The following FAAH2 variants were observed in gnomAD, a reference collection of about 807,000 sequenced individuals.
FAAH2 encodes the protein fatty acid amide hydrolase 2, also known as fatty-acid amide hydrolase 2.
Under a neutral mutation model 36.9 loss-of-function variants are expected in FAAH2, and 60 were observed. The ratio of observed to expected loss-of-function variants is 1.63; its 90% CI spans 1.32 to 2.02. The LOEUF (loss-of-function observed/expected upper bound fraction) is 2.02, where lower values mean the gene tolerates loss of function less well. Ranked by LOEUF, FAAH2 falls within the 30% of genes most tolerant of loss-of-function variation. FAAH2 has a pLI of 0.00. For synonymous variants in FAAH2, 214 were observed against 143.8 expected (o/e 1.49, Z -3.49); for missense variants, 689 against 397.5 (o/e 1.73, Z -6.23).
chrX:57,333,159 G>A (rs369769280), intron 4 of FAAH2, among the ~76,000 whole-genome samples: 9 of 111,579 alleles, frequency 8.1e-5, no homozygotes, highest in African/African-American at 2.3e-4. Context: ...TACATCATAG[G>A]TGTTATTTAA....
intron 3 of FAAH2, among the ~76,000 whole-genome samples, chrX:57,317,578 C>A (rs1479758534): frequency 9.0e-6 from 1 of 111,424 alleles, no homozygotes; most frequent in Admixed American, 9.6e-5. Flanking sequence ...GAGACTTTAA[C>A]ACCCCACTGT....
intron 10 of FAAH2, among the ~76,000 whole-genome samples, chrX:57,465,751 A>C (rs1190075885): frequency 1.8e-5 from 2 of 111,148 alleles, no homozygotes; most frequent in African/African-American, 3.3e-5. Flanking sequence ...AAAATCAAGG[A>C]GCTCTGGTGA....
chrX:57,389,374 A>G (rs1461754547), intron 7 of FAAH2, among the ~76,000 whole-genome samples: 1 of 106,045 alleles, frequency 9.4e-6, no homozygotes, highest in East Asian at 2.9e-4. Flanking sequence ...GCTTTATTTC[A>G]TCCCCTTACC....
intron 5 of FAAH2, among the ~76,000 whole-genome samples, chrX:57,355,718 G>A (rs2054142399): frequency 9.1e-6 from 1 of 110,358 alleles, no homozygotes; most frequent in Middle Eastern, 4.7e-3. Context: ...CTACATACAC[G>A]ATCATGCAAT....
At chrX:57,247,876 GA>G in the FAAH2 span, among the ~76,000 whole-genome samples, 1 of 112,366 alleles carries the variant, frequency 8.9e-6, no homozygotes, top group South Asian at 3.7e-4. Context: ...GAGTGTTGTA[GA>G]TGAGAGACCG....
intron 3 of FAAH2, among the ~76,000 whole-genome samples, chrX:57,324,353 G>A (rs1375649766): frequency 2.7e-5 from 3 of 112,094 alleles, no homozygotes; most frequent in Non-Finnish European, 3.8e-5. Context: ...GAACTTTAAA[G>A]TAGTTTTTTC....
At chrX:57,366,729 G>A (rs1421034928) in intron 5 of FAAH2, among the ~76,000 whole-genome samples, 1 of 112,559 alleles carries the variant, frequency 8.9e-6, no homozygotes, top group Non-Finnish European at 1.9e-5. Flanking sequence ...GGGATCGATG[G>A]CAGTGGATGC....
At chrX:57,221,669 C>A in the FAAH2 span, among the ~76,000 whole-genome samples, 28 of 111,551 alleles carry the variant, frequency 2.5e-4, no homozygotes, top group Admixed American at 2.4e-3. Context: ...TACCCATATA[C>A]TTTACTTTCC....
the FAAH2 span, among the ~76,000 whole-genome samples, chrX:57,266,635 C>T: frequency 8.9e-6 from 1 of 112,640 alleles, no homozygotes; most frequent in Non-Finnish European, 1.9e-5. Flanking sequence ...GTAGGCCTGT[C>T]TATCCCCATG....
At chrX:57,462,470 C>T (rs1488480580) in intron 10 of FAAH2, among the ~76,000 whole-genome samples, 2 of 111,566 alleles carry the variant, frequency 1.8e-5, no homozygotes, top group African/African-American at 3.3e-5. Context: ...ACGATGAAGT[C>T]GGTTTCATAA....
intron 8 of FAAH2, among the ~76,000 whole-genome samples, chrX:57,439,565 G>A (rs2056500246): frequency 9.0e-6 from 1 of 111,514 alleles, no homozygotes; most frequent in Non-Finnish European, 1.9e-5. Flanking sequence ...TGTTCACTCT[G>A]ATGGTAGTTT....
the FAAH2 span, among the ~76,000 whole-genome samples, chrX:57,167,997 C>A: frequency 3.1e-4 from 35 of 111,147 alleles, no homozygotes; most frequent in Non-Finnish European, 6.0e-4. Context: ...AATTATAAAG[C>A]AAATTGTTCA....
the FAAH2 span, among the ~76,000 whole-genome samples, chrX:57,191,328 A>G: frequency 9.1e-6 from 1 of 110,368 alleles, no homozygotes; most frequent in Admixed American, 9.6e-5. Flanking sequence ...TCATTTAAAA[A>G]TTATATTATT....
chrX:57,365,345 G>T (rs1602415439), intron 5 of FAAH2, among the ~76,000 whole-genome samples: 2 of 111,950 alleles, frequency 1.8e-5, no homozygotes. Flanking sequence ...GACATTCATG[G>T]TTGGAATTTC....
chrX:57,289,602 T>G (rs1449944296), intron 1 of FAAH2, among the ~76,000 whole-genome samples: 1 of 111,298 alleles, frequency 9.0e-6, no homozygotes, highest in East Asian at 2.8e-4. Flanking sequence ...TACTTTCAGA[T>G]TTTTGAAACG....
intron 4 of FAAH2, among the ~76,000 whole-genome samples, chrX:57,334,101 C>A (rs2053479546): frequency 9.1e-6 from 1 of 110,362 alleles, no homozygotes; most frequent in Non-Finnish European, 1.9e-5. Context: ...GAATCCCCAT[C>A]TCTACTAAAA....
the FAAH2 span, among the ~76,000 whole-genome samples, chrX:57,249,946 T>G: frequency 8.9e-6 from 1 of 111,875 alleles, no homozygotes; most frequent in Non-Finnish European, 1.9e-5. Context: ...TGACTGCATT[T>G]AAATGGAAAG....
chrX:57,299,589 T>A (rs1388467170), intron 2 of FAAH2, among the ~76,000 whole-genome samples: 14 of 111,888 alleles, frequency 1.3e-4, no homozygotes, highest in African/African-American at 3.9e-4. Context: ...CAACATAGTG[T>A]TGGAAGTTCT....
intron 10 of FAAH2, chrX:57,452,480 G>C (rs769981672): frequency 1.3e-4 from 27 of 207,081 alleles, no homozygotes; most frequent in African/African-American, 7.4e-4. Context: ...CACACAAAAT[G>C]AAATGTTCAT....
Sources: allele counts gnomAD v4.1 joint callset (sites outside exome capture counted in the v4.1 genomes callset), GRCh38; gene constraint gnomAD v4.1.1; transcripts MANE v1.5; gene names NCBI Gene and HGNC (gene_info 2026-07-23, HGNC 2026-07-21).